Variants in UNC13C observed in about 807,000 individuals in gnomAD.
UNC13C encodes protein unc-13 homolog C.
In UNC13C, 174 loss-of-function variants were observed where a neutral mutation model predicts 245.4. The ratio of observed to expected loss-of-function variants is 0.71; its 90% CI spans 0.63 to 0.80. The LOEUF is 0.80. Among genes scored for constraint, UNC13C ranks in the 30% least tolerant of loss-of-function variants. The probability of loss-of-function intolerance (pLI) is 0.00; values close to 1 mark genes in which losing one functional copy is unlikely to be tolerated. For missense variants in UNC13C, 2,829 were observed against 2,602.9 expected (o/e 1.09, Z -1.89); for synonymous variants, 992 against 895.1 (o/e 1.11, Z -1.93).
At chr15:54,591,357 A>G (rs1218173404) in intron 30 of UNC13C, among the ~76,000 whole-genome samples, 1 of 152,176 alleles carries the variant, frequency 6.6e-6, no homozygotes, top group Non-Finnish European at 1.5e-5. Context: ...TAGTGTCAAA[A>G]GGATTGGTAC....
the UNC13C span, among the ~76,000 whole-genome samples, chr15:53,874,660 C>T: frequency 6.6e-5 from 10 of 152,274 alleles, no homozygotes; most frequent in Middle Eastern, 3.4e-3. Context: ...GTCTATTAGC[C>T]TTCAATACAT....
intron 2 of UNC13C, among the ~76,000 whole-genome samples, chr15:54,019,608 A>G (rs1445805181): frequency 1.3e-5 from 2 of 152,206 alleles, no homozygotes; most frequent in Admixed American, 1.3e-4. Flanking sequence ...TTCCTAGCAG[A>G]AGACCAAAAA....
chr15:54,028,850 G>T (rs1249173603), intron 2 of UNC13C, among the ~76,000 whole-genome samples: 1 of 151,870 alleles, frequency 6.6e-6, no homozygotes, highest in Non-Finnish European at 1.5e-5. Context: ...GCAGCCTGCA[G>T]GTCTTAGGAG....
chr15:54,272,953 A>G (rs1016809257), intron 10 of UNC13C, among the ~76,000 whole-genome samples: 6 of 152,228 alleles, frequency 3.9e-5, no homozygotes, highest in Admixed American at 3.9e-4. Context: ...GTAATATTCC[A>G]TAGGCAGGGG....
intron 4 of UNC13C, among the ~76,000 whole-genome samples, chr15:54,185,171 C>T (rs1387448769): frequency 2.0e-5 from 3 of 150,966 alleles, no homozygotes; most frequent in Non-Finnish European, 4.4e-5. Flanking sequence ...GGATATTAGC[C>T]CTTTGTCAGA....
intron 4 of UNC13C, among the ~76,000 whole-genome samples, chr15:54,188,659 G>T (rs928459248): frequency 2.0e-5 from 3 of 152,098 alleles, no homozygotes; most frequent in African/African-American, 7.2e-5. Flanking sequence ...GCAATTTTAT[G>T]TATGCTGTAT....
At chr15:54,163,449 G>A (rs2033050813) in intron 4 of UNC13C, among the ~76,000 whole-genome samples, 1 of 152,086 alleles carries the variant, frequency 6.6e-6, no homozygotes, top group South Asian at 2.1e-4. Context: ...ATTTGTTACA[G>A]CAGCAATGGT....
intron 24 of UNC13C, among the ~76,000 whole-genome samples, chr15:54,514,673 T>G (rs995298610): frequency 1.3e-5 from 2 of 151,940 alleles, no homozygotes; most frequent in Non-Finnish European, 2.9e-5. Context: ...TGCTTTAACC[T>G]TATCACCATG....
chr15:54,478,404 G>A (rs12898516), intron 19 of UNC13C, among the ~76,000 whole-genome samples: 1 of 100,566 alleles, frequency 9.9e-6, no homozygotes, highest in Non-Finnish European at 2.2e-5. Flanking sequence ...TGTGATATTA[G>A]GGTGTCAATT....
chr15:54,139,063 G>A (rs996331960), intron 2 of UNC13C, among the ~76,000 whole-genome samples: 2 of 142,668 alleles, frequency 1.4e-5, no homozygotes, highest in Non-Finnish European at 3.0e-5. Flanking sequence ...GTGTTCAAGC[G>A]ATTCTTGTGC....
At chr15:53,971,688 T>A in the UNC13C span, among the ~76,000 whole-genome samples, 1 of 152,178 alleles carries the variant, frequency 6.6e-6, no homozygotes, top group East Asian at 1.9e-4. Flanking sequence ...AAGAAATATA[T>A]CTGGAAACTG....
chr15:53,974,643 T>A (rs1893640977), upstream of UNC13C, among the ~76,000 whole-genome samples: 1 of 152,238 alleles, frequency 6.6e-6, no homozygotes, highest in Non-Finnish European at 1.5e-5. Flanking sequence ...ACAGAATTTG[T>A]TGAGCCTAAA....
chr15:53,890,191 G>C, the UNC13C span, among the ~76,000 whole-genome samples: 1 of 147,616 alleles, frequency 6.8e-6, no homozygotes, highest in Non-Finnish European at 1.5e-5. Context: ...ACCCAGGCTT[G>C]AGTGCAGTGG....
At position 54,419,025 on chromosome 15, in the gene UNC13C, G is replaced by A. The variant is rs531137156; in HGVS notation, c.4933+3958G>A. Among the ~76,000 whole-genome samples, 5 of 152,190 alleles carry A rather than the reference G, an allele frequency of 3.3e-5. No homozygotes were observed. In the East Asian group the frequency reaches 9.7e-4, roughly 30 times the overall value. ...TGTATATCTGGAGTAGATAGAGAAG[G>A]CAAGCTCTGTATAATTAATCTAGAA... On this transcript the variant is annotated intron_variant, in intron 19 of 32. Transcript: ENST00000260323.
At chr15:54,371,515 G>A (rs1399423671) in intron 17 of UNC13C, among the ~76,000 whole-genome samples, 2 of 152,090 alleles carry the variant, frequency 1.3e-5, no homozygotes, top group African/African-American at 4.8e-5. Flanking sequence ...CTGAGGCTTA[G>A]CAGCAGTTCT....
Position 54,015,237 on chromosome 15 carries a change from A to G in UNC13C, c.2334A>G (p.Ser778=). The part of the protein sequence containing the change: ...SDDSEDAPPK[S]WHSRLSIDLS... ...ATTCAGAGGATGCCCCACCCAAATC[A>G]TGGCATAGTCGATTAAGCATTGACC... The change falls in exon 2 of 33, where the codon TCA becomes TCG. Residue 778 remains serine, a synonymous_variant. Coordinates refer to ENST00000260323, the MANE Select transcript of UNC13C (RefSeq NM_001080534.3). The G allele has an allele frequency of 1.2e-6, 2 of 1,613,482 alleles. No homozygotes were observed. Among genetic ancestry groups the G allele is most frequent in the East Asian group, 2.2e-5 (1 of 44,856 alleles).
At chr15:54,185,965 C>T (rs1213166389) in intron 4 of UNC13C, among the ~76,000 whole-genome samples, 1 of 151,760 alleles carries the variant, frequency 6.6e-6, no homozygotes, top group African/African-American at 2.4e-5. Flanking sequence ...GTTTGTAGTT[C>T]TCCTTGAAGA....
chr15:53,904,732 GT>G, the UNC13C span, among the ~76,000 whole-genome samples: 1 of 152,064 alleles, frequency 6.6e-6, no homozygotes, highest in Admixed American at 6.6e-5. Flanking sequence ...AAGACTCCAC[GT>G]TTTCATGGGC....
chr15:54,305,924 T>C (rs1051388052), intron 13 of UNC13C, among the ~76,000 whole-genome samples: 15 of 152,106 alleles, frequency 9.9e-5, no homozygotes, highest in South Asian at 2.1e-4. Flanking sequence ...GGTAATTTCA[T>C]AATCTTCCTC....
Sources: allele counts gnomAD v4.1 joint callset (sites outside exome capture counted in the v4.1 genomes callset), GRCh38; gene constraint gnomAD v4.1.1; transcripts MANE v1.5; gene names NCBI Gene and HGNC (gene_info 2026-07-23, HGNC 2026-07-21).